PITPNM3: variants seen among roughly 807,000 people sequenced by gnomAD.
PITPNM3 encodes the protein PITPNM family member 3.
Under a neutral mutation model 102.0 loss-of-function variants are expected in PITPNM3, and 26 were observed. That is an observed-to-expected ratio of 0.25 (90% CI 0.19 to 0.35). The LOEUF (loss-of-function observed/expected upper bound fraction) is 0.35. PITPNM3 is among the 10% of genes least tolerant of loss of function. The probability of loss-of-function intolerance (pLI) is 1.00; values close to 1 mark genes in which losing one functional copy is unlikely to be tolerated. For synonymous variants in PITPNM3, 578 were observed against 558.6 expected, an observed-to-expected ratio of 1.03 and a Z score of -0.49; for missense variants, 1,083 against 1,346.1, an observed-to-expected ratio of 0.80 and a Z score of 3.06.
chr17:6,465,050 GTT>G (rs967303425), intron 14 of PITPNM3, among the ~76,000 whole-genome samples: 1 of 151,920 alleles, frequency 6.6e-6, no homozygotes, highest in Non-Finnish European at 1.5e-5. Context: ...TGTTTGTTTT[GTT>G]TTTTGTTTTT....
rs370975531 is a variant in PITPNM3 at position 6,483,665 on chromosome 17, G to A, written c.439C>T (p.Pro147Ser). Residue 147 changes from proline to serine, a missense_variant, in exon 6 of 20, where the codon CCG becomes TCG. By Grantham distance (74) the Pro-to-Ser change is moderately conservative (BLOSUM62 -1). Transcript: ENST00000262483. ...GNILDTGAGD[P>S]SCKAADIHTF... ...TGGATGTCGGCTGCCTTGCAGGACG[G>A]GTCCCCGGCACCCGTGTCCAGGATG... The A allele has an allele frequency of 1.2e-6, 2 of 1,612,726 alleles. No homozygotes were observed. The highest frequency in any genetic ancestry group is 1.3e-5 in the African/African-American group (1 of 74,464).
At chr17:6,481,738 T>TGATAAATA in intron 6 of PITPNM3, 1 of 140,112 alleles carries the variant, frequency 7.1e-6, no homozygotes, top group East Asian at 2.2e-4. Flanking sequence ...ATAGATCAGA[T>TGATAAATA]GATAGATAGA....
At chr17:6,524,747 T>C in intron 3 of PITPNM3, among the ~76,000 whole-genome samples, 1 of 152,186 alleles carries the variant, frequency 6.6e-6, no homozygotes, top group East Asian at 1.9e-4. Flanking sequence ...TGCCAAGCAC[T>C]TATACACAGT....
chr17:6,464,502 C>T (rs3809838), intron 15 of PITPNM3, among the ~76,000 whole-genome samples, 153 bp downstream of exon 15: 6 of 152,300 alleles, frequency 3.9e-5, no homozygotes, highest in Admixed American at 2.0e-4. Context: ...TCACCCTTCC[C>T]GGCCCGCCCA....
chr17:6,517,602 C>G lies in PITPNM3; in HGVS notation c.226+7754G>C, dbSNP rs976915528. 1.3e-5 allele frequency among the ~76,000 whole-genome samples: 2 copies of G among 152,056 alleles called. No individual in the cohort carries two copies. The highest frequency in any genetic ancestry group is 4.8e-5 in the African/African-American group (2 of 41,372). On this transcript the variant is annotated intron_variant, in intron 3 of 19. Coordinates refer to ENST00000262483, the MANE Select transcript of PITPNM3 (RefSeq NM_031220.4). This position sits in a 1 kb window ranked among gnomAD's most constrained non-coding sequence, Gnocchi z 4.1. ...TGAGACAGGGGCTCATTCTGTCACC[C>G]AGGCTGGGTTGCAGTGGAGCAAGCA...
At chr17:6,546,195 G>A (rs1455238914) in intron 1 of PITPNM3, among the ~76,000 whole-genome samples, 2 of 152,226 alleles carry the variant, frequency 1.3e-5, no homozygotes, top group African/African-American at 4.8e-5. Flanking sequence ...ATAGAAACAT[G>A]TCCTAACTAT....
intron 2 of PITPNM3, among the ~76,000 whole-genome samples, chr17:6,530,645 A>G (rs971070356): frequency 6.6e-6 from 1 of 152,296 alleles, no homozygotes; most frequent in Admixed American, 6.5e-5. Context: ...CTCTTGATCC[A>G]GCTACCCAGT....
intron 3 of PITPNM3, among the ~76,000 whole-genome samples, chr17:6,524,959 C>T (rs945773687): frequency 6.6e-6 from 1 of 152,132 alleles, no homozygotes; most frequent in Non-Finnish European, 1.5e-5. Flanking sequence ...CACTGCTGTC[C>T]TTCTCTCTCC....
chr17:6,495,010 G>C (rs1303113032), intron 4 of PITPNM3, among the ~76,000 whole-genome samples: 1 of 152,046 alleles, frequency 6.6e-6, no homozygotes, highest in Non-Finnish European at 1.5e-5. Flanking sequence ...TCTGAGAAAA[G>C]CAAGGTGCAC....
intron 2 of PITPNM3, among the ~76,000 whole-genome samples, chr17:6,531,016 C>A (rs182357004): frequency 3.3e-5 from 5 of 152,144 alleles, no homozygotes; most frequent in African/African-American, 1.2e-4. Flanking sequence ...GGCCAAGAAT[C>A]GAGATCCTGC....
chr17:6,468,436 C>A lies in PITPNM3; in HGVS notation c.1774-95G>T. The A allele has an allele frequency of 1.6e-6, 2 of 1,259,686 alleles. No homozygotes were observed. Among genetic ancestry groups the A allele is most frequent in the Non-Finnish European group, 2.3e-6 (2 of 863,748 alleles). 78.0% of individuals were successfully genotyped at this position (1,259,686 alleles called of 1,614,324 possible). On this transcript the variant is annotated intron_variant, in intron 13 of 19. Coordinates refer to ENST00000262483, the MANE Select transcript of PITPNM3 (RefSeq NM_031220.4). This position sits in a 1 kb window ranked among gnomAD's most constrained non-coding sequence, Gnocchi z 5.2. ...GCCCACCAGCTTGTGGCCAGCTGGGCCCTGCCCCTGCAACCCCCCAACCTC... is the reference window on the plus strand; with the variant it reads ...GCCCACCAGCTTGTGGCCAGCTGGGACCTGCCCCTGCAACCCCCCAACCTC...
rs936349565 is a variant in PITPNM3, at chr17:6,454,907, C to G, written c.*431G>C. On this transcript the variant is annotated 3_prime_UTR_variant, in exon 20 of 20. Transcript: ENST00000262483. ...GGCACAAATGCCACTCACACCTCCA[C>G]AAGACAGCCCAGAGGCTGTGCCTGC... 1 of 192,644 alleles carries G rather than the reference C, an allele frequency of 5.2e-6. No homozygotes were observed. 11.9% of individuals were successfully genotyped at this position (192,644 alleles called of 1,614,324 possible).
chr17:6,503,954 C>T (rs1451881843), intron 3 of PITPNM3, among the ~76,000 whole-genome samples: 1 of 152,098 alleles, frequency 6.6e-6, no homozygotes, highest in African/African-American at 2.4e-5. Flanking sequence ...CAAACCACTG[C>T]CAGGGCTCTG....
At chr17:6,503,648 C>G in intron 3 of PITPNM3, 74 bp from the exon 4 acceptor site, 1 of 1,481,474 alleles carries the variant, frequency 6.8e-7, no homozygotes, top group Middle Eastern at 1.7e-4. Context: ...AGGGAGGCTG[C>G]TTGGAGCTGC....
intron 17 of PITPNM3, 61 bp downstream of exon 17, chr17:6,463,671 C>T: frequency 6.3e-7 from 1 of 1,580,184 alleles, no homozygotes. Context: ...ACATATTTCC[C>T]CCAGGGCTGC....
intron 3 of PITPNM3, among the ~76,000 whole-genome samples, chr17:6,506,628 C>T (rs754637249): frequency 8.3e-4 from 126 of 152,268 alleles, no homozygotes; most frequent in Non-Finnish European, 1.6e-3. Context: ...CCTCGGCCTC[C>T]CAAAGGGCTG....
At chr17:6,486,452 C>T (rs939113685) in intron 4 of PITPNM3, among the ~76,000 whole-genome samples, 3 of 152,186 alleles carry the variant, frequency 2.0e-5, no homozygotes, top group African/African-American at 7.2e-5. Context: ...GGGGAGGGTA[C>T]CTCTACAAAG....
At chr17:6,462,240 G>A (rs149448625) in intron 17 of PITPNM3, among the ~76,000 whole-genome samples, 1 of 152,086 alleles carries the variant, frequency 6.6e-6, no homozygotes, top group East Asian at 1.9e-4. Context: ...ATTATCCTCC[G>A]CAGTGTTTCC....
rs1567654984 is a variant in PITPNM3 at position 6,453,001 on chromosome 17, T to TC, written c.*2336_*2337insG. 0.033 allele frequency: 1,565 copies of TC among 47,184 alleles called. 72 individuals are homozygous for TC. Among genetic ancestry groups the TC allele is most frequent in the African/African-American group, 0.092 (1,469 of 15,968 alleles). 2.9% of individuals were successfully genotyped at this position (47,184 alleles called of 1,614,324 possible). ...TCCTCTCTCTCTCTCTCTGTCTTCC[T>TC]TTCTCTCTCTCTCTCTCTCTCTGCC... On this transcript the variant is annotated 3_prime_UTR_variant, in exon 20 of 20. Coordinates refer to ENST00000262483, the MANE Select transcript of PITPNM3 (RefSeq NM_031220.4).
Sources: gnomAD v4.1 joint callset for allele counts (sites outside exome capture counted in the v4.1 genomes callset) on GRCh38, gnomAD v4.1.1 for gene constraint, Gnocchi (gnomAD v3.1) non-coding constraint, MANE v1.5 for transcripts, NCBI Gene and HGNC (gene_info 2026-07-23, HGNC 2026-07-21) for gene names.